CCDC102B: variants seen among roughly 807,000 people sequenced by gnomAD.
CCDC102B encodes coiled-coil domain-containing protein 102B.
In CCDC102B, 75 loss-of-function variants were observed where a neutral mutation model predicts 57.4. The observed-to-expected ratio is 1.31, with a 90% CI of 1.08 to 1.58. The LOEUF is 1.58. CCDC102B is among the 40% of genes most tolerant of loss of function. The probability of loss-of-function intolerance (pLI) is 0.00; values close to 1 mark genes in which losing one functional copy is unlikely to be tolerated. For synonymous variants in CCDC102B, 206 were observed against 201.9 expected (o/e 1.02, Z -0.17); for missense variants, 636 against 582.6 (o/e 1.09, Z -0.94).
Position 68,919,681 on chromosome 18 carries a change from G to A in CCDC102B, c.1263+22253G>A, listed in dbSNP as rs187772336. The stretch of plus-strand genomic sequence containing the variant: ...GGCTACAAAAAACTTTTCTTTATAA[G>A]TTCTGAGTTAGCTGTGACAATTTTA... On this transcript the variant is annotated intron_variant, in intron 6 of 7. Coordinates refer to ENST00000360242, the MANE Select transcript of CCDC102B (RefSeq NM_024781.3). 1.7e-3 allele frequency among the ~76,000 whole-genome samples: 258 copies of A among 152,196 alleles called. 2 individuals carry two copies. The highest frequency in any genetic ancestry group is 6.0e-3 in the African/African-American group (248 of 41,554).
At chr18:68,795,640 A>G (rs1347401509), upstream of CCDC102B, among the ~76,000 whole-genome samples, 1 of 152,072 alleles carries the variant, frequency 6.6e-6, no homozygotes, top group Non-Finnish European at 1.5e-5. Flanking sequence ...GTTTTGTCTA[A>G]ATTTCCCTCT....
At chr18:68,774,013 CATT>C (rs1299726781) in intron 2 of CCDC102B, among the ~76,000 whole-genome samples, 1 of 151,894 alleles carries the variant, frequency 6.6e-6, no homozygotes, top group Non-Finnish European at 1.5e-5. Flanking sequence ...ATCATAATAT[CATT>C]AGTTTAAAAA....
chr18:68,731,384 T>G (rs2032856079), intron 2 of CCDC102B, among the ~76,000 whole-genome samples: 1 of 152,134 alleles, frequency 6.6e-6, no homozygotes, highest in South Asian at 2.1e-4. Context: ...CTGATTCCAT[T>G]AACCCTTGAA....
At chr18:68,816,099 G>A (rs1176764554) in intron 1 of CCDC102B, among the ~76,000 whole-genome samples, 1 of 152,168 alleles carries the variant, frequency 6.6e-6, no homozygotes, top group African/African-American at 2.4e-5. Context: ...GGAATAAATT[G>A]TTAAAAGAAT....
intron 7 of CCDC102B, among the ~76,000 whole-genome samples, chr18:69,051,422 T>G (rs556242753): frequency 6.6e-6 from 1 of 152,134 alleles, no homozygotes; most frequent in East Asian, 1.9e-4. Flanking sequence ...CACTGTGTTT[T>G]GGGCAAAAAC....
In CCDC102B at chr18:68,836,799, AAC is replaced by A. The variant is rs1157535981; in HGVS notation, c.40_41del (p.Gln14AspfsTer10). On this transcript the variant is annotated frameshift_variant, in exon 2 of 8. Coordinates refer to ENST00000360242, the MANE Select transcript of CCDC102B (RefSeq NM_024781.3). LOFTEE classifies it high-confidence loss of function. ...LDSIHRLIEE[T>X]QIFQMQQSSI... The stretch of plus-strand genomic sequence containing the variant: ...ATTCCATACATCGATTAATTGAGGA[AAC>A]ACAGATCTTCCAGATGCAACAATCA... The A allele has an allele frequency of 1.9e-6, 3 of 1,613,736 alleles. No homozygotes were observed. Among genetic ancestry groups the A allele is most frequent in the Non-Finnish European group, 2.5e-6 (3 of 1,179,774 alleles).
intron 5 of CCDC102B, among the ~76,000 whole-genome samples, chr18:68,886,341 A>G (rs74723679): frequency 0.011 from 1,608 of 152,156 alleles, 37 homozygotes; most frequent in East Asian, 0.08. Flanking sequence ...GTGATGATTT[A>G]TAAATTATAT....
At chr18:68,850,104 G>GTA (rs752223233) in intron 4 of CCDC102B, among the ~76,000 whole-genome samples, 7 of 152,260 alleles carry the variant, frequency 4.6e-5, no homozygotes, top group Non-Finnish European at 7.4e-5. Context: ...CATTTAAGCT[G>GTA]TATAACCCAA....
At chr18:68,740,090 G>T (rs1195020470) in intron 2 of CCDC102B, among the ~76,000 whole-genome samples, 1 of 152,160 alleles carries the variant, frequency 6.6e-6, no homozygotes, top group East Asian at 1.9e-4. Flanking sequence ...ATAATTCTTT[G>T]TTATGGAGAA....
intron 6 of CCDC102B, among the ~76,000 whole-genome samples, chr18:68,994,741 C>G (rs2050975385): frequency 6.6e-6 from 1 of 152,178 alleles, no homozygotes; most frequent in Non-Finnish European, 1.5e-5. Context: ...CCCAGCCATG[C>G]CGAACTGTGA....
chr18:69,041,986 C>G (rs2052446936), intron 7 of CCDC102B, among the ~76,000 whole-genome samples: 1 of 151,842 alleles, frequency 6.6e-6, no homozygotes, highest in South Asian at 2.1e-4. Context: ...TCCTACTACC[C>G]CAATTTGAAT....
At chr18:68,992,149 T>G (rs867669467) in intron 6 of CCDC102B, among the ~76,000 whole-genome samples, 17 of 152,268 alleles carry the variant, frequency 1.1e-4, no homozygotes, top group African/African-American at 3.9e-4. Context: ...AATCACTACG[T>G]AGGGACATTT....
chr18:68,777,808 TATGTCAG>T (rs1247550307), intron 2 of CCDC102B, among the ~76,000 whole-genome samples: 1 of 152,012 alleles, frequency 6.6e-6, no homozygotes. Flanking sequence ...GTTTCCTAAA[TATGTCAG>T]ATACAGTGAT....
Position 68,986,670 on chromosome 18 carries a change from A to T in CCDC102B, c.1264-24264A>T, listed in dbSNP as rs144545128. On this transcript the variant is annotated intron_variant, in intron 6 of 7. Transcript: ENST00000360242. ...ATTCTATGTCCAGAAATCCCTAAAG[A>T]TACCACCAAAAGTCTCCTAGAACTG... 9.3e-4 allele frequency among the ~76,000 whole-genome samples: 141 copies of T among 152,004 alleles called. 1 individual carries two copies. Among genetic ancestry groups the T allele is most frequent in the Middle Eastern group, 3.4e-3 (1 of 294 alleles).
At chr18:68,810,696 T>TTTG (rs2036225892) in intron 1 of CCDC102B, among the ~76,000 whole-genome samples, 1 of 144,992 alleles carries the variant, frequency 6.9e-6, no homozygotes, top group African/African-American at 2.6e-5. Context: ...TTTTTTTTTT[T>TTTG]TTTTTTTTTT....
chr18:68,862,738 A>C (rs1213743431), intron 4 of CCDC102B, among the ~76,000 whole-genome samples: 1 of 152,080 alleles, frequency 6.6e-6, no homozygotes, highest in African/African-American at 2.4e-5. Flanking sequence ...ATGCTGGGCT[A>C]CTCTCCAAGT....
rs541976184 is a variant in CCDC102B at position 68,722,386 on chromosome 18, C to T, written c.-67+5792C>T. 5.9e-5 allele frequency among the ~76,000 whole-genome samples: 9 copies of T among 152,282 alleles called. No homozygotes were observed. In the East Asian group the frequency reaches 1.7e-3, roughly 29 times the overall value. ...TGACTATATGACAATGAAATGACCTCCATCTGGGATGCTCCTCATCCAGCT... is the reference window on the plus strand; with the variant it reads ...TGACTATATGACAATGAAATGACCTTCATCTGGGATGCTCCTCATCCAGCT... On this transcript the variant is annotated intron_variant, in intron 2 of 3. Coordinates refer to the CCDC102B transcript ENST00000578970.
At chr18:68,899,647 G>A (rs2040367897) in intron 6 of CCDC102B, 1 of 151,996 alleles carries the variant, frequency 6.6e-6, no homozygotes, top group Non-Finnish European at 1.5e-5. Context: ...AAAGGTTTGT[G>A]GCAGACATAA....
intron 1 of CCDC102B, among the ~76,000 whole-genome samples, chr18:68,805,202 G>A (rs1204043308): frequency 6.6e-6 from 1 of 152,194 alleles, no homozygotes; most frequent in Non-Finnish European, 1.5e-5. Flanking sequence ...ATAAGGCAGA[G>A]CTGAATAAGA....
Sources: gnomAD v4.1 joint callset for allele counts (sites outside exome capture counted in the v4.1 genomes callset) on GRCh38, gnomAD v4.1.1 for gene constraint, MANE v1.5 for transcripts, NCBI Gene and HGNC (gene_info 2026-07-23, HGNC 2026-07-21) for gene names.